Variants in SOCS5 observed in about 807,000 individuals in gnomAD.
SOCS5 encodes CIS-6.
A neutral mutation model predicts 42.8 loss-of-function variants in SOCS5; 32 were observed. That is an observed-to-expected ratio of 0.75 (90% confidence interval 0.56 to 1.01). SOCS5 has a LOEUF of 1.01. Ranked by LOEUF, SOCS5 falls within the 50% of genes least tolerant of loss-of-function variation. The pLI is 0.00. For synonymous variants in SOCS5, 283 were observed against 229.6 expected (o/e 1.23, Z -2.10); for missense variants, 627 against 653.0 (o/e 0.96, Z 0.43).
intron 1 of SOCS5, among the ~76,000 whole-genome samples, chr2:46,717,825 C>T (rs1321434368): frequency 6.6e-6 from 1 of 152,108 alleles, no homozygotes; most frequent in Non-Finnish European, 1.5e-5. Context: ...TTAATGTCTC[C>T]CGGACCTGTG....
At chr2:46,748,189 CTTTTT>C (rs35861326) in intron 1 of SOCS5, among the ~76,000 whole-genome samples, 1 of 138,788 alleles carries the variant, frequency 7.2e-6, no homozygotes. Flanking sequence ...TTTTCTTTTT[CTTTTT>C]TTTTTTTTTT....
Position 46,759,872 on chromosome 2 carries a change from C to T in SOCS5, c.1342C>T (p.His448Tyr). 6.2e-7 allele frequency: 1 copy of T among 1,614,168 alleles called. No homozygotes were observed. The highest frequency in any genetic ancestry group is 8.5e-7 in the Non-Finnish European group (1 of 1,180,036). ...SFDAHDPCVF[H>Y]SSTVTGLLEH... ...CGACGCCCATGACCCGTGTGTATTT[C>T]ACTCCTCCACTGTAACGGGACTTTT... The change falls in exon 2 of 2, where the codon CAC becomes TAC. Residue 448 changes from histidine to tyrosine, a missense_variant. Physicochemically the swap from His to Tyr is moderately conservative, Grantham distance 83. This residue lies in a region of SOCS5 where 340 missense variants were observed against 367.6 expected (regional missense o/e 0.92). Coordinates refer to ENST00000394861, the MANE Select transcript of SOCS5 (RefSeq NM_144949.3).
At chr2:46,701,906 G>C (rs1435177096) in intron 1 of SOCS5, among the ~76,000 whole-genome samples, 5 of 150,892 alleles carry the variant, frequency 3.3e-5, no homozygotes, top group South Asian at 4.2e-4. Flanking sequence ...TTTTCAGTTA[G>C]TGTGGCGGTT....
intron 1 of SOCS5, among the ~76,000 whole-genome samples, chr2:46,707,182 C>T (rs1672515682): frequency 3.9e-5 from 6 of 152,110 alleles, no homozygotes; most frequent in Admixed American, 3.9e-4. Flanking sequence ...TTATGGTTCT[C>T]TTTGTGCCTG....
chr2:46,733,286 G>A (rs1269966454), intron 1 of SOCS5, among the ~76,000 whole-genome samples: 1 of 151,844 alleles, frequency 6.6e-6, no homozygotes, highest in African/African-American at 2.4e-5. Flanking sequence ...GTAGAGATGG[G>A]GTTTCACCAT....
chr2:46,762,205 C>T lies in SOCS5; in HGVS notation c.*2064C>T, dbSNP rs1308453727. The T allele has an allele frequency of 6.0e-6, 1 of 166,942 alleles. No individual in the cohort carries two copies. Among genetic ancestry groups the T allele is most frequent in the Non-Finnish European group, 1.5e-5 (1 of 68,072 alleles). 10.3% of individuals were successfully genotyped at this position (166,942 alleles called of 1,614,324 possible). On this transcript the variant is annotated 3_prime_UTR_variant, in exon 2 of 2. Transcript: ENST00000394861. ...AACTTCATCCAAACCTACTTTAAAGCATTATGTGCAATTAAGTTGTTATGA... is the reference window on the plus strand; with the variant it reads ...AACTTCATCCAAACCTACTTTAAAGTATTATGTGCAATTAAGTTGTTATGA...
rs1157629487 is a variant in SOCS5 at position 46,722,023 on chromosome 2, A to G, written c.-13+22574A>G. On this transcript the variant is annotated intron_variant, in intron 1 of 1. Transcript: ENST00000394861. ...CATTTCTATTTCAAGGACCCAATGAATATCTAGTATGAATATATAATCTTT... is the reference window on the plus strand; with the variant it reads ...CATTTCTATTTCAAGGACCCAATGAGTATCTAGTATGAATATATAATCTTT... Among the ~76,000 whole-genome samples, 6 of 152,182 alleles carry G rather than the reference A, an allele frequency of 3.9e-5. No individual in the cohort carries two copies. In the South Asian group the frequency reaches 8.3e-4, roughly 21 times the overall value.
rs994559954 is a variant in SOCS5 at position 46,699,776 on chromosome 2, G to A, written c.-13+327G>A. ...CCTAAGGGGAAGGGGGTCGTCCGGG[G>A]CCAGTAGGAGGGCATCCGTGATCGG... On this transcript the variant is annotated intron_variant, in intron 1 of 1. Coordinates refer to ENST00000394861, the MANE Select transcript of SOCS5 (RefSeq NM_144949.3). This position sits in a 1 kb window ranked among gnomAD's most constrained non-coding sequence, Gnocchi z 4.8. Among the ~76,000 whole-genome samples the A allele has an allele frequency of 3.9e-5, 6 of 152,136 alleles. No individual in the cohort carries two copies. Among genetic ancestry groups the A allele is most frequent in the African/African-American group, 1.2e-4 (5 of 41,432 alleles).
At chr2:46,738,952 A>G (rs1673311629) in intron 1 of SOCS5, among the ~76,000 whole-genome samples, 1 of 152,218 alleles carries the variant, frequency 6.6e-6, no homozygotes, top group Non-Finnish European at 1.5e-5. Context: ...ACATCTTGGA[A>G]TAAACATTGT....
rs138684729 is a variant in SOCS5 at position 46,718,884 on chromosome 2, G to A, written c.-13+19435G>A. Among the ~76,000 whole-genome samples, 190 of 152,280 alleles carry A rather than the reference G, an allele frequency of 1.2e-3. 1 individual carries two copies. The East Asian group carries it at 0.016, about 13-fold the overall frequency. ...ATACAGCTTTCTAAATGGCAGTTTG[G>A]CAATATTCAGAATCCTTAAAATGTT... On this transcript the variant is annotated intron_variant, in intron 1 of 1. Coordinates refer to ENST00000394861, the MANE Select transcript of SOCS5 (RefSeq NM_144949.3).
intron 1 of SOCS5, among the ~76,000 whole-genome samples, chr2:46,730,109 T>C (rs1673083087): frequency 6.6e-6 from 1 of 152,170 alleles, no homozygotes; most frequent in South Asian, 2.1e-4. Flanking sequence ...ATATATGCCG[T>C]CTCTCATTGA....
At chr2:46,708,971 C>T (rs373700294) in intron 1 of SOCS5, among the ~76,000 whole-genome samples, 135 of 149,900 alleles carry the variant, frequency 9.0e-4, no homozygotes, top group African/African-American at 3.2e-3. Flanking sequence ...ACTGCAACCT[C>T]CACCTCCCAG....
chr2:46,747,236 T>G (rs1673522803), intron 1 of SOCS5, among the ~76,000 whole-genome samples: 1 of 152,192 alleles, frequency 6.6e-6, no homozygotes. Flanking sequence ...CTTACTTTTT[T>G]TTGAGACAGG....
At chr2:46,753,331 C>T (rs1038857546) in intron 1 of SOCS5, among the ~76,000 whole-genome samples, 1 of 152,192 alleles carries the variant, frequency 6.6e-6, no homozygotes, top group Admixed American at 6.5e-5. Flanking sequence ...TTACTTGCTA[C>T]TCAATCCTGG....
chr2:46,749,842 G>A lies in SOCS5; in HGVS notation c.-12-8677G>A, dbSNP rs116313464. Among the ~76,000 whole-genome samples the A allele has an allele frequency of 9.8e-3, 1,490 of 152,200 alleles. 6 individuals are homozygous for A. The highest frequency in any genetic ancestry group is 0.015 in the Non-Finnish European group (1,044 of 68,010). On this transcript the variant is annotated intron_variant, in intron 1 of 1. Transcript: ENST00000394861. ...AGTCATGGATAGAACTTTCACTCTG[G>A]CAGATACTGTACATAGGAAAGTGAC...
At chr2:46,708,940 G>A (rs1420802308) in intron 1 of SOCS5, among the ~76,000 whole-genome samples, 1 of 126,260 alleles carries the variant, frequency 7.9e-6, no homozygotes, top group African/African-American at 3.0e-5. Context: ...AGGCTGGTAT[G>A]CAGTGGTGCC....
chr2:46,746,922 CTTTTTTT>C (rs11373537), intron 1 of SOCS5, among the ~76,000 whole-genome samples: 5,623 of 70,984 alleles, frequency 0.079, 352 homozygotes, highest in African/African-American at 0.25. Flanking sequence ...GACTTTATTT[CTTTTTTT>C]TTTTTTTTTT....
intron 1 of SOCS5, among the ~76,000 whole-genome samples, chr2:46,721,482 T>A (rs1672883615): frequency 6.6e-6 from 1 of 152,210 alleles, no homozygotes; most frequent in Non-Finnish European, 1.5e-5. Flanking sequence ...CATGAAGAGC[T>A]GGATTTGCTA....
chr2:46,750,834 G>A (rs1044811819), intron 1 of SOCS5, among the ~76,000 whole-genome samples: 15 of 152,096 alleles, frequency 9.9e-5, no homozygotes, highest in African/African-American at 3.6e-4. Flanking sequence ...TTTTGAGTAT[G>A]CATGTGCTAC....
Sources: allele counts gnomAD v4.1 joint callset (sites outside exome capture counted in the v4.1 genomes callset), GRCh38; gene constraint gnomAD v4.1.1; regional missense constraint gnomAD v4.1.1; non-coding constraint Gnocchi (gnomAD v3.1); transcripts MANE v1.5; gene names NCBI Gene and HGNC (gene_info 2026-07-23, HGNC 2026-07-21).